Variants in PIGN observed in about 807,000 individuals in gnomAD.
PIGN encodes the protein GPI ethanolamine phosphate transferase 1.
In PIGN, 117 loss-of-function variants were observed where a neutral mutation model predicts 125.4. The ratio of observed to expected loss-of-function variants is 0.93; its 90% CI spans 0.80 to 1.09. PIGN has a LOEUF of 1.09. Among genes scored for constraint, PIGN ranks in the 50% least tolerant of loss-of-function variants. PIGN has a pLI of 0.00. For missense variants in PIGN, 1,075 were observed against 1,094.9 expected (o/e 0.98, Z 0.26); for synonymous variants, 392 against 377.8 (o/e 1.04, Z -0.44).
chr18:62,085,267 A>G lies in PIGN; in HGVS notation c.2371-3T>C. The stretch of plus-strand genomic sequence containing the variant: ...AATGCTGTCACTAAGAAGAAAACCT[A>G]AAGGGAGTCAAGGAAATGGCAAAAC... On this transcript the variant is annotated splice_polypyrimidine_tract_variant and splice_region_variant and intron_variant, in intron 25 of 30. Coordinates refer to ENST00000640252, the MANE Select transcript of PIGN (RefSeq NM_176787.5). The G allele has an allele frequency of 3.9e-6, 6 of 1,539,310 alleles. No homozygotes were observed. Among genetic ancestry groups the G allele is most frequent in the Non-Finnish European group, 5.3e-6 (6 of 1,136,928 alleles).
intron 14 of PIGN, among the ~76,000 whole-genome samples, chr18:62,133,651 G>A (rs927398059): frequency 4.0e-5 from 6 of 151,898 alleles, no homozygotes. Flanking sequence ...AAATTTGACA[G>A]TTTTCTTTAC....
At chr18:62,024,836 C>T (rs963583026) in intron 23 of PIGN, among the ~76,000 whole-genome samples, 9 of 152,070 alleles carry the variant, frequency 5.9e-5, no homozygotes, top group African/African-American at 2.2e-4. Flanking sequence ...TAAAACAAAA[C>T]AAAATAAAAA....
At chr18:62,119,694 C>T (rs1406643756) in intron 14 of PIGN, among the ~76,000 whole-genome samples, 1 of 151,598 alleles carries the variant, frequency 6.6e-6, no homozygotes, top group African/African-American at 2.4e-5. Context: ...AAGTACAAAA[C>T]TTAGCCGGGT....
At chr18:62,166,244 T>C (rs1451182284) in intron 1 of PIGN, among the ~76,000 whole-genome samples, 1 of 152,184 alleles carries the variant, frequency 6.6e-6, no homozygotes, top group Admixed American at 6.5e-5. Flanking sequence ...CAAACTGGTA[T>C]TGCGCTCTGG....
At chr18:62,062,882 C>CTTTTTTTTTTTTTTTTTTTTTTGTT (rs2032245561) in intron 30 of PIGN, among the ~76,000 whole-genome samples, 1 of 21,076 alleles carries the variant, frequency 4.7e-5, no homozygotes, top group Non-Finnish European at 7.9e-5. Flanking sequence ...TTGTATTCTG[C>CTTTTTTTTTTTTTTTTTTTTTTGTT]TTTTTTTTTT....
rs149083571 is a variant in PIGN, at chr18:62,108,174, A to G, written c.1575-1089T>C. On this transcript the variant is annotated intron_variant, in intron 17 of 30. Coordinates refer to ENST00000640252, the MANE Select transcript of PIGN (RefSeq NM_176787.5). ...GGGAATGTTTCTTTTATTCTTAACAATGAATAAGCACAGAGGATCAACAGA... is the reference window on the plus strand; with the variant it reads ...GGGAATGTTTCTTTTATTCTTAACAGTGAATAAGCACAGAGGATCAACAGA... Among the ~76,000 whole-genome samples the G allele has an allele frequency of 1.6e-3, 240 of 152,328 alleles. 1 individual carries two copies. The highest frequency in any genetic ancestry group is 5.4e-3 in the African/African-American group (224 of 41,596).
intron 14 of PIGN, among the ~76,000 whole-genome samples, chr18:62,131,547 C>T (rs2035738099): frequency 6.6e-6 from 1 of 152,124 alleles, no homozygotes; most frequent in Non-Finnish European, 1.5e-5. Flanking sequence ...GTCTGCCAGA[C>T]CCAATTTTAG....
intron 14 of PIGN, among the ~76,000 whole-genome samples, chr18:62,116,230 G>A (rs1447346615): frequency 2.6e-5 from 4 of 152,220 alleles, no homozygotes; most frequent in Non-Finnish European, 5.9e-5. Context: ...CTGTGCCAAA[G>A]TGCATAGGCA....
chr18:62,022,548 G>A (rs984685900), intron 23 of PIGN, among the ~76,000 whole-genome samples: 1 of 152,170 alleles, frequency 6.6e-6, no homozygotes, highest in African/African-American at 2.4e-5. Context: ...CTATAAAAAT[G>A]ACTGCAAGCT....
intron 28 of PIGN, chr18:62,075,776 G>C (rs1209559079): frequency 6.6e-6 from 1 of 152,214 alleles, no homozygotes; most frequent in Non-Finnish European, 1.5e-5. Flanking sequence ...ATAAGAAACT[G>C]TAAAACTCTT....
At chr18:62,066,826 A>G (rs2032549249) in intron 30 of PIGN, among the ~76,000 whole-genome samples, 1 of 152,194 alleles carries the variant, frequency 6.6e-6, no homozygotes, top group Non-Finnish European at 1.5e-5. Context: ...AACTAGGGAC[A>G]TTCACTCCTT....
At chr18:62,174,889 A>T (rs1299837254) in intron 1 of PIGN, among the ~76,000 whole-genome samples, 1 of 150,232 alleles carries the variant, frequency 6.7e-6, no homozygotes, top group African/African-American at 2.4e-5. Flanking sequence ...TTAAACTGTC[A>T]TGCAATTCAA....
chr18:62,019,398 CA>C (rs779528549), intron 23 of PIGN, among the ~76,000 whole-genome samples: 8 of 152,156 alleles, frequency 5.3e-5, no homozygotes, highest in Non-Finnish European at 1.0e-4. Context: ...CTTAGACTAA[CA>C]AAACAAATAG....
At chr18:62,048,091 G>T (rs907174838) in intron 30 of PIGN, among the ~76,000 whole-genome samples, 1 of 152,104 alleles carries the variant, frequency 6.6e-6, no homozygotes, top group Non-Finnish European at 1.5e-5. Context: ...CTCAATAGCA[G>T]AACTGAGGGG....
Position 62,020,602 on chromosome 18 carries a change from T to C in PIGN, c.2143-2861A>G, listed in dbSNP as rs478017. On this transcript the variant is annotated intron_variant, in intron 23 of 24. Coordinates refer to the PIGN transcript ENST00000639600. ...ATTAGCAAATTAGTAATTAGGAAAA[T>C]ACAAATTAAAACTACAATGAGATAC... is the stretch of plus-strand genomic sequence containing the variant. Among the ~76,000 whole-genome samples the C allele has an allele frequency of 4.9e-3, 731 of 150,440 alleles. 4 individuals are homozygous for C. Among genetic ancestry groups the C allele is most frequent in the African/African-American group, 0.017 (704 of 40,900 alleles).
At chr18:62,124,718 C>T (rs989407) in intron 14 of PIGN, among the ~76,000 whole-genome samples, 88,347 of 152,028 alleles carry the variant, frequency 0.58, 26,410 homozygotes, top group East Asian at 0.75. Context: ...GCCTTAGGGC[C>T]TTCTCCAACA....
chr18:62,023,559 C>A lies in PIGN; in HGVS notation c.2143-5818G>T, dbSNP rs148330556. On this transcript the variant is annotated intron_variant, in intron 23 of 24. Coordinates refer to the PIGN transcript ENST00000639600. The stretch of plus-strand genomic sequence containing the variant: ...TTGTGGCTGCTTATCTGAAGCCTCT[C>A]AATGGTGGCTGTATCAACAGTTCCA... 3.0e-4 allele frequency among the ~76,000 whole-genome samples: 46 copies of A among 152,330 alleles called. 1 individual carries two copies. The East Asian group carries it at 5.6e-3, about 19-fold the overall frequency.
chr18:62,041,254 G>A lies in PIGN; in HGVS notation c.*4602C>T, dbSNP rs934673228. 1 of 152,184 alleles carries A rather than the reference G, an allele frequency of 6.6e-6. No homozygotes were observed. Among genetic ancestry groups the A allele is most frequent in the Non-Finnish European group, 1.5e-5 (1 of 68,038 alleles). The allele number at this position is 152,184 out of a possible 1,614,324, so 9.4% of individuals were successfully genotyped here. A position where few individuals can be genotyped will look rare whatever the true frequency, so the allele number is the denominator to read the frequency against. On this transcript the variant is annotated 3_prime_UTR_variant, in exon 31 of 31. Transcript: ENST00000640252. ...CTATACTCTAGCAGGGCTAGACAAT[G>A]AGCCATGATGAACCGAATGCAATCT...
At chr18:62,121,303 T>C (rs886842739) in intron 14 of PIGN, among the ~76,000 whole-genome samples, 2 of 152,184 alleles carry the variant, frequency 1.3e-5, no homozygotes, top group Non-Finnish European at 2.9e-5. Flanking sequence ...ACAATTCCTG[T>C]GCCCAGACCT....
Sources: allele counts gnomAD v4.1 joint callset (sites outside exome capture counted in the v4.1 genomes callset), GRCh38; gene constraint gnomAD v4.1.1; transcripts MANE v1.5; gene names NCBI Gene and HGNC (gene_info 2026-07-23, HGNC 2026-07-21).